Variants in PRSS12 observed in about 807,000 individuals in gnomAD.
PRSS12 encodes the protein serine protease 12, also known as neurotrypsin.
In PRSS12, 85 loss-of-function variants were observed where a neutral mutation model predicts 104.4. The observed-to-expected ratio is 0.81, with a 90% CI of 0.68 to 0.98. PRSS12 has a LOEUF of 0.98. Among genes scored for constraint, PRSS12 ranks in the 50% least tolerant of loss-of-function variants. PRSS12 has a pLI of 0.00. For synonymous variants in PRSS12, 454 were observed against 425.2 expected, an observed-to-expected ratio of 1.07 and a Z score of -0.83; for missense variants, 1,141 against 1,139.2, an observed-to-expected ratio of 1.00 and a Z score of -0.02.
At chr4:118,336,406 G>C (rs1724066602) in intron 2 of PRSS12, among the ~76,000 whole-genome samples, 1 of 152,022 alleles carries the variant, frequency 6.6e-6, no homozygotes, top group African/African-American at 2.4e-5. Flanking sequence ...TTTTAAAAAA[G>C]GTGAAATGCT....
In PRSS12 at chr4:118,338,217, A is replaced by G. The variant is rs750444940; in HGVS notation, c.600T>C (p.Asp200=). 1.9e-6 allele frequency: 3 copies of G among 1,614,066 alleles called. No individual in the cohort carries two copies. Among genetic ancestry groups the G allele is most frequent in the South Asian group, 2.2e-5 (2 of 91,080 alleles). ...VWGTVCSSHW[D]DSDASVICHQ... is the part of the protein sequence containing the mutation. ...GACAAATGACTGATGCATCAGAATC[A>G]TCCCAGTGGCTGCTACAGACAGTGC... Residue 200 remains aspartate, a synonymous_variant, in exon 2 of 13, where the codon GAT becomes GAC. Transcript: ENST00000296498.
intron 4 of PRSS12, among the ~76,000 whole-genome samples, chr4:118,322,685 T>C (rs906908593): frequency 1.2e-4 from 19 of 152,036 alleles, no homozygotes; most frequent in African/African-American, 3.9e-4. Flanking sequence ...AATGTATTAT[T>C]TGTAATATGT....
At chr4:118,321,845 G>A (rs554596577) in intron 4 of PRSS12, among the ~76,000 whole-genome samples, 1 of 152,164 alleles carries the variant, frequency 6.6e-6, no homozygotes, top group South Asian at 2.1e-4. Flanking sequence ...TTATTTTAAA[G>A]TAAATTTCAA....
At chr4:118,351,562 T>C (rs967431453) in intron 1 of PRSS12, among the ~76,000 whole-genome samples, 1 of 152,148 alleles carries the variant, frequency 6.6e-6, no homozygotes, top group African/African-American at 2.4e-5. Flanking sequence ...TATAACTATA[T>C]TAAGTTGCTA....
At chr4:118,307,082 G>C (rs1390384575) in intron 8 of PRSS12, among the ~76,000 whole-genome samples, 1 of 151,860 alleles carries the variant, frequency 6.6e-6, no homozygotes, top group Non-Finnish European at 1.5e-5. Flanking sequence ...TTTTCAAATG[G>C]AAAAAGGAGT....
At chr4:118,292,640 A>T (rs1743155144) in intron 11 of PRSS12, among the ~76,000 whole-genome samples, 1 of 152,228 alleles carries the variant, frequency 6.6e-6, no homozygotes, top group African/African-American at 2.4e-5. Flanking sequence ...TGAATGAATT[A>T]ATATGATCTT....
Position 118,313,199 on chromosome 4 carries a change from A to C in PRSS12, c.1489+2T>G. On this transcript the variant is annotated splice_donor_variant, in intron 7 of 12. Coordinates refer to ENST00000296498, the MANE Select transcript of PRSS12 (RefSeq NM_003619.4). LOFTEE classifies it high-confidence loss of function. ...AACTTGAGAGCTGCAGCCAGTCCTC[A>C]CCCAGAGAGAGCCTGTGTCCCTCGC... The C allele has an allele frequency of 6.2e-7, 1 of 1,612,844 alleles. No individual in the cohort carries two copies. The highest frequency in any genetic ancestry group is 1.1e-5 in the South Asian group (1 of 90,988).
At chr4:118,343,759 A>G (rs1052052114) in intron 1 of PRSS12, among the ~76,000 whole-genome samples, 7 of 152,160 alleles carry the variant, frequency 4.6e-5, no homozygotes, top group Non-Finnish European at 5.9e-5. Flanking sequence ...CTGTGGGGGG[A>G]AAAAATGCAT....
At chr4:118,313,993 A>G (rs1743831039) in intron 6 of PRSS12, among the ~76,000 whole-genome samples, 2 of 152,218 alleles carry the variant, frequency 1.3e-5, no homozygotes, top group African/African-American at 4.8e-5. Flanking sequence ...TGTATTTGTA[A>G]CACTGCACTA....
At chr4:118,325,114 A>T (rs1723736709) in intron 4 of PRSS12, among the ~76,000 whole-genome samples, 1 of 152,056 alleles carries the variant, frequency 6.6e-6, no homozygotes, top group South Asian at 2.1e-4. Context: ...TGGAAGCCAC[A>T]ATCCTAAGTG....
chr4:118,321,019 A>G (rs1301741791), intron 4 of PRSS12, among the ~76,000 whole-genome samples: 1 of 152,164 alleles, frequency 6.6e-6, no homozygotes, highest in Non-Finnish European at 1.5e-5. Flanking sequence ...AACACAGTGG[A>G]CTCTGAGCAA....
Position 118,286,302 on chromosome 4 carries a change from C to A in PRSS12, c.2040-3191G>T, listed in dbSNP as rs188398880. Reference sequence around the variant, plus strand: ...CCTTGTTCCCCTCTCTGATACCAGCCTGGCCCCTGTGCTCCTGTCATTTAC... The same window carrying A: ...CCTTGTTCCCCTCTCTGATACCAGCATGGCCCCTGTGCTCCTGTCATTTAC... On this transcript the variant is annotated intron_variant, in intron 11 of 12. Coordinates refer to ENST00000296498, the MANE Select transcript of PRSS12 (RefSeq NM_003619.4). Among the ~76,000 whole-genome samples the A allele has an allele frequency of 1.3e-3, 205 of 152,312 alleles. 1 individual carries two copies. The highest frequency in any genetic ancestry group is 4.7e-3 in the African/African-American group (194 of 41,566).
intron 5 of PRSS12, among the ~76,000 whole-genome samples, chr4:118,316,844 A>ATATATG: frequency 7.0e-6 from 1 of 142,080 alleles, no homozygotes; most frequent in South Asian, 2.2e-4. Context: ...AAAAATATAT[A>ATATATG]TATATATATA....
intron 10 of PRSS12, 150 bp from the exon 11 acceptor site, chr4:118,295,211 C>T: frequency 9.3e-7 from 1 of 1,075,958 alleles, no homozygotes; most frequent in Non-Finnish European, 1.3e-6. Flanking sequence ...TCCCTTCCTA[C>T]TTTGAGAAGG....
chr4:118,298,593 C>T (rs1007940636), intron 9 of PRSS12, 140 bp downstream of exon 9: 15 of 943,844 alleles, frequency 1.6e-5, no homozygotes, highest in Non-Finnish European at 2.1e-5. Context: ...CCAAGAACTA[C>T]CGGATCTAAG....
At chr4:118,308,721 T>A in intron 7 of PRSS12, 144 bp from the exon 8 acceptor site, 1 of 1,166,834 alleles carries the variant, frequency 8.6e-7, no homozygotes, top group East Asian at 2.5e-5. Context: ...AGGAGATATA[T>A]CAATAAAAAT....
At chr4:118,316,580 G>A (rs746315239) in intron 5 of PRSS12, among the ~76,000 whole-genome samples, 3 of 148,566 alleles carry the variant, frequency 2.0e-5, no homozygotes, top group African/African-American at 4.9e-5. Context: ...CCAGCATTTC[G>A]GGAGGCTGAG....
intron 2 of PRSS12, among the ~76,000 whole-genome samples, chr4:118,336,507 T>C (rs988892049): frequency 6.6e-6 from 1 of 152,222 alleles, no homozygotes; most frequent in African/African-American, 2.4e-5. Context: ...ATCTAAAATG[T>C]AAATGTGTCT....
At chr4:118,311,007 C>T (rs898805928) in intron 7 of PRSS12, among the ~76,000 whole-genome samples, 3 of 151,884 alleles carry the variant, frequency 2.0e-5, no homozygotes, top group Non-Finnish European at 2.9e-5. Flanking sequence ...GCCGAGATTG[C>T]GCCACTGCAC....
Sources: allele counts gnomAD v4.1 joint callset (sites outside exome capture counted in the v4.1 genomes callset), GRCh38; gene constraint gnomAD v4.1.1; transcripts MANE v1.5; gene names NCBI Gene and HGNC (gene_info 2026-07-23, HGNC 2026-07-21).